FARP2: variants seen among roughly 807,000 people sequenced by gnomAD.
FARP2 encodes FERM, ARHGEF and pleckstrin domain-containing protein 2.
A neutral mutation model predicts 130.5 loss-of-function variants in FARP2; 111 were observed. That is an observed-to-expected ratio of 0.85 (90% CI 0.73 to 1.00). The LOEUF is 1.00. Among genes scored for constraint, FARP2 ranks in the 50% least tolerant of loss-of-function variants. The pLI is 0.00. For synonymous variants in FARP2, 504 were observed against 516.9 expected, an observed-to-expected ratio of 0.98 and a Z score of 0.34; for missense variants, 1,385 against 1,346.3, an observed-to-expected ratio of 1.03 and a Z score of -0.45.
At chr2:241,403,954 A>G (rs1383865321) in intron 3 of FARP2, 22 bp downstream of exon 3, 1 of 1,407,176 alleles carries the variant, frequency 7.1e-7, no homozygotes, top group East Asian at 2.3e-5. Context: ...TGACGTGCCC[A>G]GGCGTGGAGC....
chr2:241,393,547 C>A (rs1474799504), intron 2 of FARP2, among the ~76,000 whole-genome samples: 4 of 151,792 alleles, frequency 2.6e-5, no homozygotes, highest in African/African-American at 9.7e-5. Context: ...TCTAATTAGG[C>A]AATAAAAATC....
intron 12 of FARP2, among the ~76,000 whole-genome samples, chr2:241,438,916 AC>A (rs1358159979): frequency 6.6e-6 from 1 of 152,144 alleles, no homozygotes; most frequent in Admixed American, 6.5e-5. Context: ...GGCGTGAGCC[AC>A]CGCGCCCGGC....
Position 241,491,047 on chromosome 2 carries a change from CCTT to C in FARP2, c.2505-11_2505-9del. 6.3e-7 allele frequency: 1 copy of C among 1,596,712 alleles called. No homozygotes were observed. Among genetic ancestry groups the C allele is most frequent in the South Asian group, 1.1e-5 (1 of 90,712 alleles). ...GAAGAGCAGAGCCACTGAGCCTTGC[CCTT>C]CTCCCTGCAGCACTCGGCTGGAGAA... On this transcript the variant is annotated splice_polypyrimidine_tract_variant and intron_variant, in intron 22 of 26. Transcript: ENST00000264042.
chr2:241,381,299 T>C (rs113144290), intron 2 of FARP2, among the ~76,000 whole-genome samples: 10 of 152,034 alleles, frequency 6.6e-5, no homozygotes, highest in African/African-American at 2.2e-4. Flanking sequence ...GACTCAGCTG[T>C]ACCCCGGCCT....
At chr2:241,465,497 C>G in intron 17 of FARP2, 2 of 1,550,532 alleles carry the variant, frequency 1.3e-6, no homozygotes, top group South Asian at 2.4e-5. Context: ...GCAGGGGTCA[C>G]AAAAATGGAG....
At chr2:241,388,453 C>G (rs756705297) in intron 2 of FARP2, among the ~76,000 whole-genome samples, 3 of 152,062 alleles carry the variant, frequency 2.0e-5, no homozygotes, top group Non-Finnish European at 4.4e-5. Flanking sequence ...ATGTAAATGT[C>G]AGAGTTGAGA....
rs2063960112 is a variant in FARP2 at position 241,459,676 on chromosome 2, C to G, written c.1587+2754C>G. Among the ~76,000 whole-genome samples the G allele has an allele frequency of 1.3e-5, 2 of 152,216 alleles. No homozygotes were observed. The highest frequency in any genetic ancestry group is 4.8e-5 in the African/African-American group (2 of 41,456). On this transcript the variant is annotated intron_variant, in intron 14 of 26. Coordinates refer to ENST00000264042, the MANE Select transcript of FARP2 (RefSeq NM_014808.4). The surrounding 1 kb of genome is among the most constrained non-coding windows in gnomAD (Gnocchi z 5.3). ...AATTGCATGCTCCTCTGGGCCTATCCCTGGCCGCCGTCTCATCCCTGGCCT... is the reference window on the plus strand; with the variant it reads ...AATTGCATGCTCCTCTGGGCCTATCGCTGGCCGCCGTCTCATCCCTGGCCT...
intron 2 of FARP2, among the ~76,000 whole-genome samples, chr2:241,393,059 G>T (rs2061946568): frequency 6.6e-6 from 1 of 151,108 alleles, no homozygotes; most frequent in African/African-American, 2.4e-5. Flanking sequence ...TCACTCCATT[G>T]CCCAGGCTGG....
At chr2:241,403,794 A>G (rs375344510) in intron 2 of FARP2, 34 bp from the exon 3 acceptor site, 157 of 1,388,246 alleles carry the variant, frequency 1.1e-4, no homozygotes, top group African/African-American at 2.3e-4. Context: ...TAGTCTTTCA[A>G]TCCTTGTTAT....
In FARP2 at chr2:241,378,321, G is replaced by A. The variant is rs2061585129; in HGVS notation, c.183+5031G>A. Among the ~76,000 whole-genome samples, 10 of 151,042 alleles carry A rather than the reference G, an allele frequency of 6.6e-5. No individual in the cohort carries two copies. The South Asian group carries it at 2.1e-3, about 32-fold the overall frequency. On this transcript the variant is annotated intron_variant, in intron 2 of 26. Coordinates refer to ENST00000264042, the MANE Select transcript of FARP2 (RefSeq NM_014808.4). ...AGACGGGGTTTCATCATGTTGGCCAGGCTGGTTTTGAACTCCTGACCTTAA... is the reference window on the plus strand; with the variant it reads ...AGACGGGGTTTCATCATGTTGGCCAAGCTGGTTTTGAACTCCTGACCTTAA...
intron 2 of FARP2, among the ~76,000 whole-genome samples, chr2:241,398,711 A>G (rs1034952461): frequency 1.3e-5 from 2 of 152,014 alleles, no homozygotes; most frequent in Non-Finnish European, 2.9e-5. Flanking sequence ...CTGGGATTAC[A>G]GGCTGTGCCA....
At position 241,422,008 on chromosome 2, in the gene FARP2, G is replaced by A. The variant is rs140870262; in HGVS notation, c.771+3899G>A. Among the ~76,000 whole-genome samples the A allele has an allele frequency of 5.9e-3, 894 of 152,078 alleles. 3 individuals carry two copies. The highest frequency in any genetic ancestry group is 0.01 in the Middle Eastern group (3 of 294). On this transcript the variant is annotated intron_variant, in intron 8 of 26. Coordinates refer to ENST00000264042, the MANE Select transcript of FARP2 (RefSeq NM_014808.4). ...AAAATACGAAAATTAGCTGGGTGTA[G>A]TGGTGGGCACCTGTAGTCCCAGCTA...
At chr2:241,452,404 A>T (rs1003152359) in intron 13 of FARP2, among the ~76,000 whole-genome samples, 3 of 147,020 alleles carry the variant, frequency 2.0e-5, no homozygotes, top group Admixed American at 6.8e-5. Flanking sequence ...TTTTAAAAAT[A>T]AAAAAAAAAA....
intron 1 of FARP2, among the ~76,000 whole-genome samples, chr2:241,356,863 G>T (rs578082838): frequency 3.9e-5 from 6 of 152,246 alleles, no homozygotes; most frequent in Non-Finnish European, 1.5e-5. Context: ...ATTTTGAGCC[G>T]TTTGCCTTTT....
intron 21 of FARP2, 75 bp from the exon 22 acceptor site, chr2:241,489,887 C>A: frequency 1.0e-6 from 1 of 992,512 alleles, no homozygotes; most frequent in South Asian, 1.3e-5. Flanking sequence ...CCAGCAGTCA[C>A]CTTGTGTCCT....
Position 241,468,223 on chromosome 2 carries a change from A to G in FARP2, c.1977A>G (p.Ala659=). Residue 659 remains alanine, a synonymous_variant, in exon 18 of 27, where the codon GCA becomes GCG. Coordinates refer to ENST00000264042, the MANE Select transcript of FARP2 (RefSeq NM_014808.4). ...KATKRCKKLE[A]VYKEFELQKV... is the part of the protein sequence containing the mutation. ...CCAAACGCTGTAAGAAGTTGGAGGC[A>G]GTGTACAAGGAGTTTGAGCTGCAGA... The G allele has an allele frequency of 6.2e-7, 1 of 1,614,154 alleles. No homozygotes were observed. The highest frequency in any genetic ancestry group is 1.1e-5 in the South Asian group (1 of 91,082).
chr2:241,452,820 A>C (rs1012750410), intron 13 of FARP2, among the ~76,000 whole-genome samples: 2 of 151,616 alleles, frequency 1.3e-5, no homozygotes, highest in Admixed American at 1.3e-4. Context: ...GGGCATGTGT[A>C]GTCCCAGCTA....
At chr2:241,417,023 G>A (rs996495114) in intron 7 of FARP2, among the ~76,000 whole-genome samples, 3 of 152,078 alleles carry the variant, frequency 2.0e-5, no homozygotes, top group Non-Finnish European at 4.4e-5. Flanking sequence ...GGAGATGGCC[G>A]GGCGCAGTGG....
At chr2:241,481,927 G>A (rs763598834) in intron 19 of FARP2, among the ~76,000 whole-genome samples, 8 of 152,162 alleles carry the variant, frequency 5.3e-5, no homozygotes, top group Non-Finnish European at 8.8e-5. Flanking sequence ...CTCAGCCCTG[G>A]GCCTTGCATG....
Sources: allele counts gnomAD v4.1 joint callset (sites outside exome capture counted in the v4.1 genomes callset), GRCh38; gene constraint gnomAD v4.1.1; non-coding constraint Gnocchi (gnomAD v3.1); transcripts MANE v1.5; gene names NCBI Gene and HGNC (gene_info 2026-07-23, HGNC 2026-07-21).